ADCK1: variants seen among roughly 807,000 people sequenced by gnomAD.
ADCK1 encodes the protein aarF domain containing kinase 1, also known as aarF domain-containing protein kinase 1.
In ADCK1, 41 loss-of-function variants were observed where a neutral mutation model predicts 52.3. That is an observed-to-expected ratio of 0.78 (90% CI 0.61 to 1.02). ADCK1 has a LOEUF of 1.02. Among genes scored for constraint, ADCK1 ranks in the 50% least tolerant of loss-of-function variants. ADCK1 has a pLI of 0.00. For missense variants in ADCK1, 658 were observed against 679.5 expected, an observed-to-expected ratio of 0.97 and a Z score of 0.35; for synonymous variants, 250 against 274.6, an observed-to-expected ratio of 0.91 and a Z score of 0.89.
intron 3 of ADCK1, among the ~76,000 whole-genome samples, chr14:77,850,952 GC>G (rs1276395099): frequency 6.6e-6 from 1 of 151,912 alleles, no homozygotes; most frequent in Non-Finnish European, 1.5e-5. Context: ...ACCACACCCG[GC>G]CCGATGTATC....
chr14:77,841,838 T>G (rs1594916699), intron 3 of ADCK1, among the ~76,000 whole-genome samples: 13 of 109,062 alleles, frequency 1.2e-4, no homozygotes, highest in Admixed American at 3.4e-4. Context: ...AGTGACAGAG[T>G]GACACTCTTT....
intron 3 of ADCK1, among the ~76,000 whole-genome samples, chr14:77,847,614 G>A (rs2082198318): frequency 6.6e-6 from 1 of 152,148 alleles, no homozygotes; most frequent in South Asian, 2.1e-4. Flanking sequence ...ACCAGGGCCA[G>A]TGAGGCAGTG....
chr14:77,849,264 G>A (rs2082235175), intron 3 of ADCK1, among the ~76,000 whole-genome samples: 1 of 152,134 alleles, frequency 6.6e-6, no homozygotes, highest in African/African-American at 2.4e-5. Flanking sequence ...TGCAGAGACA[G>A]GGTCTCTCTA....
chr14:77,928,917 A>T (rs2084259137), intron 9 of ADCK1, among the ~76,000 whole-genome samples: 1 of 152,178 alleles, frequency 6.6e-6, no homozygotes, highest in Non-Finnish European at 1.5e-5. Context: ...TGCCCCTTGT[A>T]GTTATTTGTC....
chr14:77,891,130 G>A (rs1168268282), intron 5 of ADCK1, among the ~76,000 whole-genome samples: 1 of 152,180 alleles, frequency 6.6e-6, no homozygotes, highest in Non-Finnish European at 1.5e-5. Flanking sequence ...TTTCTCTGAA[G>A]TGGGAGGCAA....
intron 7 of ADCK1, among the ~76,000 whole-genome samples, chr14:77,920,214 C>A (rs1279520868): frequency 6.6e-6 from 1 of 152,084 alleles, no homozygotes; most frequent in Non-Finnish European, 1.5e-5. Flanking sequence ...ATGTTATCTT[C>A]TAGATTTTTT....
chr14:77,824,697 G>GTGCTGAGA (rs945091393), intron 3 of ADCK1, among the ~76,000 whole-genome samples: 13 of 151,960 alleles, frequency 8.6e-5, no homozygotes, highest in African/African-American at 3.1e-4. Flanking sequence ...GCCTCCCAAA[G>GTGCTGAGA]TGCTGAGATT....
At chr14:77,931,737 C>G (rs775197846) in intron 10 of ADCK1, 26 bp downstream of exon 10, 2 of 1,589,132 alleles carry the variant, frequency 1.3e-6, no homozygotes, top group South Asian at 1.1e-5. Context: ...TCCCTCTCCT[C>G]CCCTCCTAGC....
At chr14:77,852,675 A>ATATATG (rs1566667286) in intron 3 of ADCK1, among the ~76,000 whole-genome samples, 1 of 42,122 alleles carries the variant, frequency 2.4e-5, no homozygotes, top group Non-Finnish European at 5.3e-5. Context: ...ATATATATAT[A>ATATATG]TATATATATA....
At chr14:77,896,678 C>T (rs967783133) in intron 5 of ADCK1, among the ~76,000 whole-genome samples, 1 of 152,218 alleles carries the variant, frequency 6.6e-6, no homozygotes, top group Non-Finnish European at 1.5e-5. Flanking sequence ...CTGCGGTGCC[C>T]AGGTGCCAGG....
intron 8 of ADCK1, among the ~76,000 whole-genome samples, chr14:77,925,069 G>A (rs2084157691): frequency 6.6e-6 from 1 of 152,206 alleles, no homozygotes. Flanking sequence ...TGGTTCAAAG[G>A]AGCCAGGAGC....
chr14:77,837,418 G>A (rs538938178), intron 3 of ADCK1, among the ~76,000 whole-genome samples: 5 of 152,308 alleles, frequency 3.3e-5, no homozygotes, highest in African/African-American at 1.2e-4. Flanking sequence ...GATTATAGGC[G>A]TGAGCCACCA....
In ADCK1 at chr14:77,887,225, C is replaced by A. The variant is rs2083177414; in HGVS notation, c.558C>A (p.Ser186Arg). Residue 186 changes from serine to arginine, a missense_variant, in exon 5 of 11, where the codon AGC becomes AGA. Transcript: ENST00000238561. ...AGCACCCAAAGGTGCGGGCTCAGAG[C>A]TCGAAGGACATTCTCCTGATGGAGG... ...KVQHPKVRAQ[S>R]SKDILLMEVL... 1 of 1,593,188 alleles carries A rather than the reference C, an allele frequency of 6.3e-7. No homozygotes were observed. Among genetic ancestry groups the A allele is most frequent in the Non-Finnish European group, 8.5e-7 (1 of 1,169,690 alleles).
intron 2 of ADCK1, among the ~76,000 whole-genome samples, chr14:77,819,671 T>C (rs1253788075): frequency 3.3e-5 from 5 of 152,218 alleles, no homozygotes; most frequent in African/African-American, 2.4e-5. Context: ...CTCCAGTGGC[T>C]CAACAGGAAC....
rs142770287 is a variant in ADCK1, at chr14:77,859,259, C to T, written c.403C>T (p.Arg135Ter). Reference protein sequence around the residue: ...SSMQEIRQVIREDLGKEIHDL... With the variant: ...SSMQEIRQVI ...CATGCAAGAGATCCGCCAGGTCATC[C>T]GAGAAGATCTGGGCAAGGAGGTACC... The change falls in exon 4 of 11, where the codon CGA becomes TGA. Residue 135 changes from arginine (R) to a stop codon, truncating the protein, a stop_gained. Coordinates refer to ENST00000238561, the MANE Select transcript of ADCK1 (RefSeq NM_020421.4). LOFTEE classifies it high-confidence loss of function. 42 of 1,613,558 alleles carry T rather than the reference C, an allele frequency of 2.6e-5. No individual in the cohort carries two copies. The highest frequency in any genetic ancestry group is 5.3e-5 in the African/African-American group (4 of 74,928).
rs756056466 is a variant in ADCK1, at chr14:77,921,326, C to CAAAAAAAA, written c.859-3116_859-3109dup. Among the ~76,000 whole-genome samples the CAAAAAAAA allele has an allele frequency of 1.6e-3, 64 of 41,202 alleles. 3 individuals carry two copies. Among genetic ancestry groups the CAAAAAAAA allele is most frequent in the South Asian group, 2.4e-3 (1 of 416 alleles). 27.0% of individuals were successfully genotyped at this position (41,202 alleles called of 152,430 possible). On this transcript the variant is annotated intron_variant, in intron 7 of 10. Transcript: ENST00000238561. Reference sequence around the variant, plus strand: ...TGGGCGACAGAGTGAGACTCTGTCTCAAAAAAAAAAAAAAAAAAAAAAGAA... The same window carrying CAAAAAAAA: ...TGGGCGACAGAGTGAGACTCTGTCTCAAAAAAAAAAAAAAAAAAAAAAAAAAAAAAGAA...
intron 3 of ADCK1, among the ~76,000 whole-genome samples, chr14:77,835,756 C>T (rs2081947793): frequency 6.6e-6 from 1 of 152,214 alleles, no homozygotes; most frequent in Non-Finnish European, 1.5e-5. Context: ...CCATCTTAGC[C>T]TCCCGAATAG....
intron 3 of ADCK1, among the ~76,000 whole-genome samples, chr14:77,852,900 TA>T (rs1566667917): frequency 3.2e-4 from 14 of 44,162 alleles, no homozygotes; most frequent in African/African-American, 1.5e-3. Context: ...TATATATATA[TA>T]TATATATTTT....
At chr14:77,863,136 A>G (rs368539334) in intron 4 of ADCK1, among the ~76,000 whole-genome samples, 4 of 152,198 alleles carry the variant, frequency 2.6e-5, no homozygotes, top group African/African-American at 7.2e-5. Context: ...AGGTCACATT[A>G]TGAAGGGCCT....
Sources: gnomAD v4.1 joint callset for allele counts (sites outside exome capture counted in the v4.1 genomes callset) on GRCh38, gnomAD v4.1.1 for gene constraint, MANE v1.5 for transcripts, NCBI Gene and HGNC (gene_info 2026-07-23, HGNC 2026-07-21) for gene names.